RND3: variants seen among roughly 807,000 people sequenced by gnomAD.
The protein encoded by RND3 is Rho family GTPase 3, also known as rho-related GTP-binding protein RhoE.
In RND3, 8 loss-of-function variants were observed where a neutral mutation model predicts 26.5. That is an observed-to-expected ratio of 0.30 (90% CI 0.18 to 0.54). RND3 has a LOEUF of 0.54. Among genes scored for constraint, RND3 ranks in the 20% least tolerant of loss-of-function variants. The probability of loss-of-function intolerance (pLI) is 0.94; values close to 1 mark genes in which losing one functional copy is unlikely to be tolerated. For synonymous variants in RND3, 113 were observed against 113.0 expected (o/e 1.00, Z 0.00); for missense variants, 207 against 302.8 (o/e 0.68, Z 2.35).
chr2:150,470,388 GTTGTTAAAATGTAAACTGCCTTAT>G, intron 5 of RND3, 150 bp from the exon 6 acceptor site: 1 of 804,722 alleles, frequency 1.2e-6, no homozygotes, highest in Admixed American at 2.9e-5. Context: ...AAAAAAAAAA[GTTGTTAAAATGTAAACTGCCTTAT>G]TTATTACTTC....
At chr2:150,474,751 T>C in intron 4 of RND3, 124 bp downstream of exon 4, 1 of 525,642 alleles carries the variant, frequency 1.9e-6, no homozygotes, top group Non-Finnish European at 3.4e-6. Context: ...GGGTTCTTTC[T>C]AGTGTTTAAT....
chr2:150,476,328 C>G (rs1260925410), intron 3 of RND3, among the ~76,000 whole-genome samples: 1 of 152,124 alleles, frequency 6.6e-6, no homozygotes, highest in South Asian at 2.1e-4. Flanking sequence ...ACAACATTTG[C>G]TTGGAGGCTG....
At position 150,478,862 on chromosome 2, in the gene RND3, T is replaced by C. The variant is rs370024619; in HGVS notation, c.239-3878A>G. Among the ~76,000 whole-genome samples the C allele has an allele frequency of 1.1e-4, 16 of 152,310 alleles. No individual in the cohort carries two copies. In the East Asian group the frequency reaches 2.7e-3, roughly 26 times the overall value. On this transcript the variant is annotated intron_variant, in intron 3 of 5. Transcript: ENST00000263895. Reference sequence around the variant, plus strand: ...TTTTCAGCATGTGGAATAGGCTTCATGCATATGGAAATTCTCAGATGCAGC... The same window carrying C: ...TTTTCAGCATGTGGAATAGGCTTCACGCATATGGAAATTCTCAGATGCAGC...
At chr2:150,485,830 G>T (rs1376146068) in intron 3 of RND3, among the ~76,000 whole-genome samples, 2 of 152,132 alleles carry the variant, frequency 1.3e-5, no homozygotes, top group African/African-American at 4.8e-5. Context: ...CAGGTAGGTG[G>T]GTGGGCGCAT....
chr2:150,475,023 G>C, intron 3 of RND3, 39 bp from the exon 4 acceptor site: 1 of 1,294,044 alleles, frequency 7.7e-7, no homozygotes, highest in Non-Finnish European at 1.1e-6. Context: ...TCAGATGAGA[G>C]TCCCCTTGTC....
intron 3 of RND3, 106 bp from the exon 4 acceptor site, chr2:150,475,090 C>A: frequency 1.6e-6 from 1 of 636,390 alleles, no homozygotes; most frequent in African/African-American, 1.8e-5. Context: ...ACATCACGAC[C>A]CAACTCCCAC....
chr2:150,486,613 G>T lies in RND3; in HGVS notation c.238+81C>A, dbSNP rs532651215. 1.3e-4 allele frequency: 122 copies of T among 974,254 alleles called. No homozygotes were observed. The South Asian group carries it at 1.5e-3, about 12-fold the overall frequency. The allele number at this position is 974,254 out of a possible 1,614,324, so 60.4% of individuals were successfully genotyped here. A position where few individuals can be genotyped will look rare whatever the true frequency, so the allele number is the denominator to read the frequency against. On this transcript the variant is annotated intron_variant, in intron 3 of 5. Coordinates refer to ENST00000263895, the MANE Select transcript of RND3 (RefSeq NM_005168.5). This position sits in a 1 kb window ranked among gnomAD's most constrained non-coding sequence, Gnocchi z 4.5. ...GGGAGGGGCGCAGACGGCTTGTAGC[G>T]CGCGGTTTCCCGAGACCCGCCGCGC...
In RND3 at chr2:150,469,895, T is replaced by A; in HGVS notation, c.*92A>T. 1 of 1,462,568 alleles carries A rather than the reference T, an allele frequency of 6.8e-7. No individual in the cohort carries two copies. The highest frequency in any genetic ancestry group is 9.4e-7 in the Non-Finnish European group (1 of 1,068,544). The allele number at this position is 1,462,568 out of a possible 1,614,324, so 90.6% of individuals were successfully genotyped here. ...CTCCTAAGCCTCTGGTATACATGAC[T>A]TTGGCTGTGCACTTCATTTAGACTT... On this transcript the variant is annotated 3_prime_UTR_variant, in exon 6 of 6. Coordinates refer to ENST00000263895, the MANE Select transcript of RND3 (RefSeq NM_005168.5).
At chr2:150,476,851 G>A (rs1282171071) in intron 3 of RND3, among the ~76,000 whole-genome samples, 1 of 152,134 alleles carries the variant, frequency 6.6e-6, no homozygotes, top group Non-Finnish European at 1.5e-5. Context: ...CGAGATGGTT[G>A]AACACTATTT....
chr2:150,471,684 A>ATC lies in RND3; in HGVS notation c.424_425dup (p.Asp142GlufsTer6). 1.2e-6 allele frequency: 2 copies of ATC among 1,613,526 alleles called. No individual in the cohort carries two copies. The highest frequency in any genetic ancestry group is 1.7e-6 in the Non-Finnish European group (2 of 1,179,552). On this transcript the variant is annotated frameshift_variant, in exon 5 of 6. Transcript: ENST00000263895. LOFTEE classifies it high-confidence loss of function. Reference sequence around the variant, plus strand: ...TGGAGAGCTCTACTAATGTACTAACATCTGTCCGCAGATCAGACTTGCAGC... The same window carrying ATC: ...TGGAGAGCTCTACTAATGTACTAACATCTCTGTCCGCAGATCAGACTTGCAGC...
chr2:150,481,500 C>A (rs1056094849), intron 3 of RND3, among the ~76,000 whole-genome samples: 27 of 152,060 alleles, frequency 1.8e-4, no homozygotes, highest in African/African-American at 6.5e-4. Flanking sequence ...TTTGGGAAAG[C>A]CTGAATATTT....
intron 4 of RND3, 144 bp from the exon 5 acceptor site, chr2:150,471,905 CTT>C: frequency 1.5e-6 from 1 of 662,454 alleles, no homozygotes; most frequent in Non-Finnish European, 2.5e-6. Flanking sequence ...AAGAAGCAAA[CTT>C]TGCATTTATC....
chr2:150,473,468 C>A (rs1402067314), intron 4 of RND3, among the ~76,000 whole-genome samples: 1 of 152,166 alleles, frequency 6.6e-6, no homozygotes, highest in African/African-American at 2.4e-5. Context: ...TGTTATGTTG[C>A]TCTTCAGCTG....
rs57719716 is a variant in RND3, at chr2:150,483,345, T to G, written c.238+3349A>C. Among the ~76,000 whole-genome samples the G allele has an allele frequency of 5.2e-3, 793 of 152,268 alleles. 5 individuals are homozygous for G. Among genetic ancestry groups the G allele is most frequent in the African/African-American group, 0.018 (746 of 41,546 alleles). ...ACAGGAAATATCATTCAAAGGACAA[T>G]GTTCATCCCGTATCTCTCCCTATAT... On this transcript the variant is annotated intron_variant, in intron 3 of 5. Coordinates refer to ENST00000263895, the MANE Select transcript of RND3 (RefSeq NM_005168.5).
At position 150,486,945 on chromosome 2, in the gene RND3, C is replaced by A; in HGVS notation, c.151-164G>T. On this transcript the variant is annotated intron_variant, in intron 2 of 5. Transcript: ENST00000263895. This position sits in a 1 kb window ranked among gnomAD's most constrained non-coding sequence, Gnocchi z 4.5. ...AAGCACATGGACCCTTTCCGAAACC[C>A]CTGTCCTACTCCCCACTCACCCCAC... is the stretch of plus-strand genomic sequence containing the variant. 1.5e-6 allele frequency: 1 copy of A among 657,890 alleles called. No individual in the cohort carries two copies. The highest frequency in any genetic ancestry group is 2.8e-6 in the Non-Finnish European group (1 of 363,532). 40.8% of individuals were successfully genotyped at this position (657,890 alleles called of 1,614,324 possible).
intron 2 of RND3, 30 bp downstream of exon 2, chr2:150,487,238 C>A: frequency 6.4e-7 from 1 of 1,555,152 alleles, no homozygotes; most frequent in South Asian, 1.2e-5. Flanking sequence ...GGCCGACCCC[C>A]TCGTGGAAGC....
In RND3 at chr2:150,470,083, G is replaced by A; in HGVS notation, c.639C>T (p.Ala213=). 1 of 1,614,042 alleles carries A rather than the reference G, an allele frequency of 6.2e-7. No homozygotes were observed. The highest frequency in any genetic ancestry group is 8.5e-7 in the Non-Finnish European group (1 of 1,179,958). ...KNVKRNKSQR[A]TKRISHMPSR... ...TAGGCATGTGTGAAATCCGCTTTGTGGCTCTCTGTGATTTGTTCCGCTTAA... is the reference window on the plus strand; with the variant it reads ...TAGGCATGTGTGAAATCCGCTTTGTAGCTCTCTGTGATTTGTTCCGCTTAA... Residue 213 remains alanine, a synonymous_variant, in exon 6 of 6, where the codon GCC becomes GCT. Coordinates refer to ENST00000263895, the MANE Select transcript of RND3 (RefSeq NM_005168.5).
At position 150,486,670 on chromosome 2, in the gene RND3, G is replaced by A. The variant is rs777927874; in HGVS notation, c.238+24C>T. On this transcript the variant is annotated intron_variant, in intron 3 of 5. Coordinates refer to ENST00000263895, the MANE Select transcript of RND3 (RefSeq NM_005168.5). The surrounding 1 kb of genome is among the most constrained non-coding windows in gnomAD (Gnocchi z 4.5). Reference sequence around the variant, plus strand: ...CAGCGACTGGAAACCCGCCCCAAGCGCCACGCGGTCCTCCCACTCTTACCC... The same window carrying A: ...CAGCGACTGGAAACCCGCCCCAAGCACCACGCGGTCCTCCCACTCTTACCC... 3.2e-6 allele frequency: 5 copies of A among 1,546,750 alleles called. No homozygotes were observed. In the South Asian group the frequency reaches 5.6e-5, roughly 17 times the overall value.
In RND3 at chr2:150,487,302, A is replaced by T. The variant is rs753058821; in HGVS notation, c.116T>A (p.Leu39Gln). Residue 39 changes from leucine (L) to glutamine (Q), a missense_variant, in exon 2 of 6, where the codon CTG (leucine) becomes CAG (glutamine). By Grantham distance (113) the Leu-to-Gln change is moderately radical. Coordinates refer to ENST00000263895, the MANE Select transcript of RND3 (RefSeq NM_005168.5). Reference protein sequence around the residue: ...VGDSQCGKTALLHVFAKDCFP... With the variant: ...VGDSQCGKTAQLHVFAKDCFP... ...GCAGTCCTTGGCGAAGACATGGAGC[A>T]GCGCAGTTTTTCCACACTGACTGTC... 6.2e-7 allele frequency: 1 copy of T among 1,603,948 alleles called. No individual in the cohort carries two copies. Among genetic ancestry groups the T allele is most frequent in the South Asian group, 1.1e-5 (1 of 90,062 alleles).
Sources: allele counts gnomAD v4.1 joint callset (sites outside exome capture counted in the v4.1 genomes callset), GRCh38; gene constraint gnomAD v4.1.1; non-coding constraint Gnocchi (gnomAD v3.1); transcripts MANE v1.5; gene names NCBI Gene and HGNC (gene_info 2026-07-23, HGNC 2026-07-21).